Variants in BCLAF3 observed in about 807,000 individuals in gnomAD.
BCLAF3 encodes the protein BCLAF1 and THRAP3 family member 3.
BCLAF3 carries 24 observed loss-of-function variants against 51.2 expected under a neutral mutation model. The ratio of observed to expected loss-of-function variants is 0.47; its 90% CI spans 0.34 to 0.66. The LOEUF is 0.66. Ranked by LOEUF, BCLAF3 falls within the 30% of genes least tolerant of loss-of-function variation. The pLI, the probability that BCLAF3 is intolerant of heterozygous loss-of-function variation, is 0.01. For synonymous variants in BCLAF3, 152 were observed against 176.6 expected, an observed-to-expected ratio of 0.86 and a Z score of 1.10; for missense variants, 465 against 525.1, an observed-to-expected ratio of 0.89 and a Z score of 1.12.
intron 7 of BCLAF3, among the ~76,000 whole-genome samples, chrX:19,952,736 G>A (rs941084076): frequency 9.0e-6 from 1 of 111,648 alleles, no homozygotes. Context: ...CTGTAATTGC[G>A]TGTCAATTTT....
chrX:19,986,070 AATAG>A (rs1425802509), intron 1 of BCLAF3, among the ~76,000 whole-genome samples: 1 of 112,411 alleles, frequency 8.9e-6, no homozygotes, highest in Non-Finnish European at 1.9e-5. Context: ...AACAAAATAA[AATAG>A]ATAAACCATT....
chrX:19,933,608 A>G (rs1464802986), intron 10 of BCLAF3, among the ~76,000 whole-genome samples: 2 of 112,203 alleles, frequency 1.8e-5, no homozygotes, highest in Non-Finnish European at 3.8e-5. Flanking sequence ...AAACAGAATT[A>G]TAATGAGACA....
chrX:19,957,078 G>A (rs1001189021), intron 4 of BCLAF3, among the ~76,000 whole-genome samples: 1 of 111,779 alleles, frequency 8.9e-6, no homozygotes, highest in Non-Finnish European at 1.9e-5. Flanking sequence ...CTAACTTTCC[G>A]TGCTCCCTGC....
rs1569502724 is a variant in BCLAF3 at position 19,937,495 on chromosome X, C to T, written c.1783G>A (p.Val595Ile). 8.7e-7 allele frequency: 1 copy of T among 1,155,865 alleles called. No homozygotes were observed. Among genetic ancestry groups the T allele is most frequent in the Non-Finnish European group, 1.2e-6 (1 of 857,350 alleles). ...GGTTTTTGGAATCCATCAGTATGAA[C>T]ATTCTTTACCTTTGAAAAACTGGAA... ...QNSSFSKVKN[V>I]HTDGFQKPTH... Residue 595 changes from valine to isoleucine, a missense_variant, in exon 9 of 12, where the codon GTT becomes ATT. By Grantham distance (29) the Val-to-Ile change is conservative. Transcript: ENST00000379682.
chrX:19,972,458 CATA>C lies in BCLAF3; in HGVS notation c.-34-2163_-34-2161del, dbSNP rs1017288474. On this transcript the variant is annotated intron_variant, in intron 1 of 11. Coordinates refer to ENST00000379682, the MANE Select transcript of BCLAF3 (RefSeq NM_001367774.2). ...ATGAGAAAGGAAAATTTTTCTGGAG[CATA>C]ATCTTTTTTCCATTTTTAAAAACAA... is the stretch of plus-strand genomic sequence containing the variant. Among the ~76,000 whole-genome samples the C allele has an allele frequency of 5.4e-5, 6 of 111,960 alleles. No homozygotes were observed. In the South Asian group the frequency reaches 2.2e-3, roughly 41 times the overall value.
At chrX:19,957,056 A>G (rs905635658) in intron 4 of BCLAF3, among the ~76,000 whole-genome samples, 1 of 112,216 alleles carries the variant, frequency 8.9e-6, no homozygotes, top group Non-Finnish European at 1.9e-5. Context: ...TTATCAGAGG[A>G]AAGGCTTCCA....
chrX:19,964,974 A>G, intron 4 of BCLAF3, 70 bp downstream of exon 4: 1 of 944,279 alleles, frequency 1.1e-6, no homozygotes, highest in Non-Finnish European at 1.4e-6. Flanking sequence ...TATTAATTCC[A>G]TTTTTGAAGC....
intron 1 of BCLAF3, among the ~76,000 whole-genome samples, chrX:19,975,949 T>C (rs2148010287): frequency 8.9e-6 from 1 of 112,101 alleles, no homozygotes; most frequent in South Asian, 3.7e-4. Context: ...CCCTTAAGAG[T>C]GAACCCAGTC....
intron 2 of BCLAF3, among the ~76,000 whole-genome samples, chrX:19,968,174 G>C (rs181198654): frequency 7.2e-4 from 81 of 112,770 alleles, no homozygotes; most frequent in African/African-American, 2.1e-3. Context: ...TTCTTCCGAA[G>C]AAGTTTGCTG....
intron 4 of BCLAF3, among the ~76,000 whole-genome samples, chrX:19,960,869 T>C (rs901696919): frequency 9.0e-6 from 1 of 111,617 alleles, no homozygotes; most frequent in Non-Finnish European, 1.9e-5. Flanking sequence ...CAGTGGGAAA[T>C]AAAGGATTAG....
intron 10 of BCLAF3, chrX:19,930,607 A>C (rs750062512): frequency 4.2e-6 from 1 of 238,870 alleles, no homozygotes; most frequent in East Asian, 1.8e-4. Context: ...GGCTGCAGTA[A>C]GCTGTGATTG....
In BCLAF3 at chrX:19,913,780, G is replaced by A. The variant is rs962557878; in HGVS notation, c.*3525C>T. 3 of 106,958 alleles carry A rather than the reference G, an allele frequency of 2.8e-5. No homozygotes were observed. In the Admixed American group the frequency reaches 2.9e-4, roughly 11 times the overall value. The allele number at this position is 106,958 out of a possible 1,213,427, so 8.8% of individuals were successfully genotyped here. On this transcript the variant is annotated 3_prime_UTR_variant, in exon 12 of 12. Coordinates refer to ENST00000379682, the MANE Select transcript of BCLAF3 (RefSeq NM_001367774.2). Reference sequence around the variant, plus strand: ...ATAATTTTAAGACATGACGTGACATGACACCTGGCCATGAATGATGAGACG... The same window carrying A: ...ATAATTTTAAGACATGACGTGACATAACACCTGGCCATGAATGATGAGACG...
At chrX:19,937,739 T>TG (rs1473294511) in intron 8 of BCLAF3, among the ~76,000 whole-genome samples, 1 of 112,517 alleles carries the variant, frequency 8.9e-6, no homozygotes, top group Non-Finnish European at 1.9e-5. Context: ...TTATCTAAGT[T>TG]GGAGGTTAGC....
chrX:19,955,044 A>C (rs749523611), intron 5 of BCLAF3, among the ~76,000 whole-genome samples: 7 of 111,546 alleles, frequency 6.3e-5, no homozygotes, highest in Non-Finnish European at 1.1e-4. Flanking sequence ...TGATTTCTTG[A>C]GTTTCCTATC....
chrX:19,987,367 C>T (rs778993900), intron 1 of BCLAF3, among the ~76,000 whole-genome samples: 2 of 112,186 alleles, frequency 1.8e-5, no homozygotes, highest in African/African-American at 6.5e-5. Context: ...TGCAGTGGCA[C>T]GATCTCGACT....
chrX:19,973,862 A>G (rs1297473795), intron 1 of BCLAF3, among the ~76,000 whole-genome samples: 1 of 112,604 alleles, frequency 8.9e-6, no homozygotes, highest in African/African-American at 3.2e-5. Context: ...GCAATTGGGA[A>G]AATACAAATT....
At position 19,931,900 on chromosome X, in the gene BCLAF3, C is replaced by T. The variant is rs367957048; in HGVS notation, c.1951-1960G>A. ...CAAGATCCAGGAAAAAGGCTCTCCA[C>T]GCTTGAAAAGCACAAAAGAGCATTT... On this transcript the variant is annotated intron_variant, in intron 10 of 11. Coordinates refer to ENST00000379682, the MANE Select transcript of BCLAF3 (RefSeq NM_001367774.2). Among the ~76,000 whole-genome samples, 26 of 112,024 alleles carry T rather than the reference C, an allele frequency of 2.3e-4. No homozygotes were observed. The South Asian group carries it at 3.3e-3, about 14-fold the overall frequency.
At chrX:19,988,464 A>C (rs954434981) in intron 1 of BCLAF3, among the ~76,000 whole-genome samples, 1 of 111,890 alleles carries the variant, frequency 8.9e-6, no homozygotes, top group Non-Finnish European at 1.9e-5. Flanking sequence ...CTGTGCTCTG[A>C]AATTTCTACC....
At chrX:19,967,607 A>G (rs2072104690) in intron 2 of BCLAF3, among the ~76,000 whole-genome samples, 1 of 111,374 alleles carries the variant, frequency 9.0e-6, no homozygotes, top group Non-Finnish European at 1.9e-5. Flanking sequence ...GGGACACAAT[A>G]AAGTTCCATT....
Sources: allele counts gnomAD v4.1 joint callset (sites outside exome capture counted in the v4.1 genomes callset), GRCh38; gene constraint gnomAD v4.1.1; transcripts MANE v1.5; gene names NCBI Gene and HGNC (gene_info 2026-07-23, HGNC 2026-07-21).